Variants in CORO2B observed in about 807,000 individuals in gnomAD.
The protein encoded by CORO2B is coronin-2B.
In CORO2B, 26 loss-of-function variants were observed where a neutral mutation model predicts 58.8. The ratio of observed to expected loss-of-function variants is 0.44; its 90% CI spans 0.32 to 0.61. The LOEUF is 0.61. Among genes scored for constraint, CORO2B ranks in the 20% least tolerant of loss-of-function variants. The pLI is 0.04. For synonymous variants in CORO2B, 242 were observed against 253.8 expected, an observed-to-expected ratio of 0.95 and a Z score of 0.44; for missense variants, 460 against 645.1, an observed-to-expected ratio of 0.71 and a Z score of 3.11.
chr15:68,701,743 C>T (rs911742330), intron 3 of CORO2B, among the ~76,000 whole-genome samples: 20 of 152,040 alleles, frequency 1.3e-4, no homozygotes, highest in Non-Finnish European at 2.5e-4. Context: ...CTCGGCCTCC[C>T]GAAGTGCTGG....
chr15:68,636,471 C>T (rs549068549), intron 1 of CORO2B, among the ~76,000 whole-genome samples: 8 of 152,142 alleles, frequency 5.3e-5, no homozygotes, highest in East Asian at 1.9e-4. Flanking sequence ...GTTGAGAAGG[C>T]GCCATCCCAG....
At chr15:68,699,107 G>A (rs1414584541) in intron 3 of CORO2B, among the ~76,000 whole-genome samples, 3 of 152,152 alleles carry the variant, frequency 2.0e-5, no homozygotes, top group Non-Finnish European at 4.4e-5. Context: ...TGGAGAGAAT[G>A]CATATACAGT....
At chr15:68,642,945 A>T (rs1000641879) in intron 1 of CORO2B, among the ~76,000 whole-genome samples, 1 of 152,228 alleles carries the variant, frequency 6.6e-6, no homozygotes, top group Non-Finnish European at 1.5e-5. Flanking sequence ...AATGTTCTGC[A>T]TGGAAAAGAC....
chr15:68,600,218 G>A (rs1158581092), intron 1 of CORO2B, among the ~76,000 whole-genome samples: 2 of 152,220 alleles, frequency 1.3e-5, no homozygotes, highest in Non-Finnish European at 2.9e-5. Context: ...CCTAAGTGCT[G>A]TTGTTTTGCA....
At chr15:68,556,455 C>T in the CORO2B span, among the ~76,000 whole-genome samples, 5 of 152,192 alleles carry the variant, frequency 3.3e-5, no homozygotes, top group African/African-American at 1.2e-4. Context: ...AGGAGTCCCC[C>T]TTCCCAGATA....
chr15:68,721,812 A>G (rs8034877), intron 11 of CORO2B, among the ~76,000 whole-genome samples: 105,731 of 151,980 alleles, frequency 0.7, 37,225 homozygotes, highest in East Asian at 0.87. Flanking sequence ...CTGTGGCACG[A>G]TCATAGCTCA....
At chr15:68,718,871 C>T in intron 9 of CORO2B, 61 bp downstream of exon 9, 1 of 1,392,100 alleles carries the variant, frequency 7.2e-7, no homozygotes. Flanking sequence ...GCCTGCTCAC[C>T]ACTGACCATG....
chr15:68,581,123 A>G (rs768280068), intron 1 of CORO2B, among the ~76,000 whole-genome samples: 1 of 152,178 alleles, frequency 6.6e-6, no homozygotes, highest in African/African-American at 2.4e-5. Context: ...GGGATGGGAC[A>G]GGGAGTCCAT....
chr15:68,534,237 C>T, the CORO2B span, among the ~76,000 whole-genome samples: 76 of 152,330 alleles, frequency 5.0e-4, 1 homozygote, highest in Non-Finnish European at 8.7e-4. Flanking sequence ...CATACACATA[C>T]ACACATGCAT....
At chr15:68,534,311 CACACTTGCAT>C in the CORO2B span, among the ~76,000 whole-genome samples, 2 of 150,300 alleles carry the variant, frequency 1.3e-5, no homozygotes, top group African/African-American at 5.0e-5. Flanking sequence ...CACACATGCA[CACACTTGCAT>C]ACACACATGC....
At chr15:68,682,521 G>C (rs12440542) in intron 2 of CORO2B, among the ~76,000 whole-genome samples, 6,650 of 152,026 alleles carry the variant, frequency 0.044, 336 homozygotes, top group African/African-American at 0.12. Context: ...TCACATGGCC[G>C]CAGATTGACA....
At chr15:68,523,655 C>G in the CORO2B span, among the ~76,000 whole-genome samples, 1 of 152,220 alleles carries the variant, frequency 6.6e-6, no homozygotes, top group Non-Finnish European at 1.5e-5. Context: ...TCCATTGTCT[C>G]TTGGACCTTG....
intron 1 of CORO2B, among the ~76,000 whole-genome samples, chr15:68,633,117 G>A (rs920156633): frequency 6.6e-6 from 1 of 152,152 alleles, no homozygotes; most frequent in African/African-American, 2.4e-5. Context: ...TGGTTTAGCT[G>A]TCACCATTGA....
intron 2 of CORO2B, among the ~76,000 whole-genome samples, chr15:68,662,933 T>C (rs974735808): frequency 6.6e-6 from 1 of 152,224 alleles, no homozygotes; most frequent in African/African-American, 2.4e-5. Flanking sequence ...TTTCTTAATT[T>C]TTTTTTTCCT....
At chr15:68,675,254 G>C (rs1304987039) in intron 2 of CORO2B, among the ~76,000 whole-genome samples, 1 of 152,218 alleles carries the variant, frequency 6.6e-6, no homozygotes, top group Non-Finnish European at 1.5e-5. Flanking sequence ...TGCGGCAGCT[G>C]CCTCCCATTT....
At chr15:68,587,036 A>G (rs1415515251) in intron 1 of CORO2B, among the ~76,000 whole-genome samples, 1 of 143,586 alleles carries the variant, frequency 7.0e-6, no homozygotes, top group East Asian at 2.1e-4. Flanking sequence ...GTCAAACTAT[A>G]GGGAGATATG....
At chr15:68,711,850 C>T in intron 5 of CORO2B, 144 bp downstream of exon 5, 1 of 984,612 alleles carries the variant, frequency 1.0e-6, no homozygotes, top group Non-Finnish European at 1.5e-6. Context: ...CTTTCTCTCT[C>T]CTGGGCCCTT....
intron 2 of CORO2B, among the ~76,000 whole-genome samples, chr15:68,657,556 T>C (rs1039379965): frequency 1.7e-4 from 25 of 146,162 alleles, no homozygotes; most frequent in Non-Finnish European, 3.2e-4. Flanking sequence ...GTTATCAAAA[T>C]GTATACCAGA....
At chr15:68,716,639 C>T (rs1893038389) in intron 8 of CORO2B, among the ~76,000 whole-genome samples, 1 of 152,184 alleles carries the variant, frequency 6.6e-6, no homozygotes, top group African/African-American at 2.4e-5. Flanking sequence ...GGGGCTACTT[C>T]ACCCCGGTGG....
Sources: allele counts gnomAD v4.1 joint callset (sites outside exome capture counted in the v4.1 genomes callset), GRCh38; gene constraint gnomAD v4.1.1; transcripts MANE v1.5; gene names NCBI Gene and HGNC (gene_info 2026-07-23, HGNC 2026-07-21).